RUNDC1: variants seen among roughly 807,000 people sequenced by gnomAD.
RUNDC1 encodes RUN domain-containing protein 1.
Under a neutral mutation model 49.3 loss-of-function variants are expected in RUNDC1, and 31 were observed. That is an observed-to-expected ratio of 0.63 (90% confidence interval 0.47 to 0.85). RUNDC1 has a LOEUF of 0.85. Among genes scored for constraint, RUNDC1 ranks in the 40% least tolerant of loss-of-function variants. The pLI is 0.00. For synonymous variants in RUNDC1, 347 were observed against 348.6 expected, an observed-to-expected ratio of 1.00 and a Z score of 0.05; for missense variants, 715 against 806.7, an observed-to-expected ratio of 0.89 and a Z score of 1.38.
In RUNDC1 at chr17:42,981,038, G is replaced by C; in HGVS notation, c.462G>C (p.Leu154=). 1 of 1,557,226 alleles carries C rather than the reference G, an allele frequency of 6.4e-7. No homozygotes were observed. The highest frequency in any genetic ancestry group is 8.6e-7 in the Non-Finnish European group (1 of 1,158,918). ...CCGCCAGCGATGAGGGCGATGGGCTGCCAGGGGACCGGCCATGGTTGCGGG... is the reference window on the plus strand; with the variant it reads ...CCGCCAGCGATGAGGGCGATGGGCTCCCAGGGGACCGGCCATGGTTGCGGG... ...GDPASDEGDG[L]PGDRPWLRGE... is the part of the protein sequence containing the mutation. The change falls in exon 1 of 5, where the codon CTG becomes CTC. Residue 154 remains leucine (L), a synonymous_variant. Transcript: ENST00000361677.
chr17:42,980,814 C>T lies in RUNDC1; in HGVS notation c.238C>T (p.Leu80=), dbSNP rs2151954591. 3 of 1,375,834 alleles carry T rather than the reference C, an allele frequency of 2.2e-6. No individual in the cohort carries two copies. The highest frequency in any genetic ancestry group is 3.4e-5 in the South Asian group (2 of 58,244). The allele number at this position is 1,375,834 out of a possible 1,614,324, so 85.2% of individuals were successfully genotyped here. A position where few individuals can be genotyped will look rare whatever the true frequency, so the allele number is the denominator to read the frequency against. Residue 80 remains leucine (L), a synonymous_variant, in exon 1 of 5, where the codon CTG becomes TTG. Transcript: ENST00000361677. The stretch of plus-strand genomic sequence containing the variant: ...CCCGCCGGATTCGCCGGGCCGGACG[C>T]TGCGGCGGCTGCGGGCAGAGCGGCG... ...GSPPDSPGRT[L]RRLRAERRRL... is the part of the protein sequence containing the mutation.
In RUNDC1 at chr17:42,988,800, G is replaced by A. The variant is rs1030770937; in HGVS notation, c.658-541G>A. 4.6e-5 allele frequency among the ~76,000 whole-genome samples: 7 copies of A among 152,130 alleles called. No homozygotes were observed. In the East Asian group the frequency reaches 1.2e-3, roughly 25 times the overall value. On this transcript the variant is annotated intron_variant, in intron 2 of 4. Coordinates refer to ENST00000361677, the MANE Select transcript of RUNDC1 (RefSeq NM_173079.5). ...TTGAGGCCAGCCTGAGCAACATAAC[G>A]AGACCCTGTCTCTACAAAAAATTTA...
chr17:42,993,040 A>G lies in RUNDC1; in HGVS notation c.*1324A>G, dbSNP rs1368023846. On this transcript the variant is annotated 3_prime_UTR_variant, in exon 5 of 5. Transcript: ENST00000361677. ...GAGAAAATCCTGGCTACCCAAGTCG[A>G]GTATATACAGGAATACAAATCGGTA... The G allele has an allele frequency of 6.6e-6, 1 of 152,240 alleles. No individual in the cohort carries two copies. Among genetic ancestry groups the G allele is most frequent in the Non-Finnish European group, 1.5e-5 (1 of 68,052 alleles). The allele number at this position is 152,240 out of a possible 1,614,324, so 9.4% of individuals were successfully genotyped here. A position where few individuals can be genotyped will look rare whatever the true frequency, so the allele number is the denominator to read the frequency against.
At position 42,980,931 on chromosome 17, in the gene RUNDC1, C is replaced by T. The variant is rs1395004204; in HGVS notation, c.355C>T (p.Gln119Ter). 2 of 1,536,402 alleles carry T rather than the reference C, an allele frequency of 1.3e-6. No homozygotes were observed. Among genetic ancestry groups the T allele is most frequent in the East Asian group, 2.5e-5 (1 of 40,736 alleles). Reference sequence around the variant, plus strand: ...GGTGGTGCGCGGGGCGCCGGCGGAGCAGCAGCGCCTTCTGCGGGAGCTCGA... The same window carrying T: ...GGTGGTGCGCGGGGCGCCGGCGGAGTAGCAGCGCCTTCTGCGGGAGCTCGA... ...RQVVRGAPAEQQRLLRELEDF... is the reference protein window; with the variant it reads ...RQVVRGAPAE Residue 119 changes from glutamine (Q) to a stop codon, truncating the protein, a stop_gained, in exon 1 of 5, where the codon CAG becomes TAG. Coordinates refer to ENST00000361677, the MANE Select transcript of RUNDC1 (RefSeq NM_173079.5). LOFTEE classifies it high-confidence loss of function.
chr17:42,991,727 C>T lies in RUNDC1; in HGVS notation c.*11C>T, dbSNP rs201943128. The T allele has an allele frequency of 2.5e-4, 400 of 1,601,236 alleles. No homozygotes were observed. The highest frequency in any genetic ancestry group is 1.3e-3 in the Admixed American group (75 of 59,268). ...AAAGATGCCTTTTGATGAGAGTGCCCTAACCCCAGACAAGCTCCTTGTTCA... is the reference window on the plus strand; with the variant it reads ...AAAGATGCCTTTTGATGAGAGTGCCTTAACCCCAGACAAGCTCCTTGTTCA... On this transcript the variant is annotated 3_prime_UTR_variant, in exon 5 of 5. Transcript: ENST00000361677.
rs757983154 is a variant in RUNDC1 at position 42,991,506 on chromosome 17, G to A, written c.1632G>A (p.Met544Ile). ...CAGAATTGAAGGCCTTGGTGTGCAT[G>A]GCACTGAATGAGCAGCGTCTGGTGT... ...ADSELKALVCMALNEQRLVSW... is the reference protein window; with the variant it reads ...ADSELKALVCIALNEQRLVSW... The change falls in exon 5 of 5, where the codon ATG becomes ATA. Residue 544 changes from methionine (M) to isoleucine (I), a missense_variant. This residue lies in a region of RUNDC1 where 425 missense variants were observed against 499.7 expected (regional missense o/e 0.85). Coordinates refer to ENST00000361677, the MANE Select transcript of RUNDC1 (RefSeq NM_173079.5). The A allele has an allele frequency of 6.2e-7, 1 of 1,614,166 alleles. No individual in the cohort carries two copies. Among genetic ancestry groups the A allele is most frequent in the East Asian group, 2.2e-5 (1 of 44,888 alleles).
intron 4 of RUNDC1, 49 bp from the exon 5 acceptor site, chr17:42,990,802 C>T (rs2050228161): frequency 6.5e-7 from 1 of 1,542,740 alleles, no homozygotes; most frequent in Non-Finnish European, 8.7e-7. Context: ...GAGTGTAGCT[C>T]TGTGCCATCA....
At position 42,991,312 on chromosome 17, in the gene RUNDC1, T is replaced by G. The variant is rs1369537450; in HGVS notation, c.1438T>G (p.Tyr480Asp). 1 of 1,614,200 alleles carries G rather than the reference T, an allele frequency of 6.2e-7. No individual in the cohort carries two copies. Among genetic ancestry groups the G allele is most frequent in the Non-Finnish European group, 8.5e-7 (1 of 1,180,032 alleles). The change falls in exon 5 of 5, where the codon TAC (tyrosine) becomes GAC (aspartate). Residue 480 changes from tyrosine to aspartate, a missense_variant. Physicochemically the swap from Tyr to Asp is radical, Grantham distance 160 (BLOSUM62 -3). Around this residue, in one of 5 missense-constraint regions of RUNDC1, gnomAD observed 425 missense variants for 499.7 expected, o/e 0.85. Coordinates refer to ENST00000361677, the MANE Select transcript of RUNDC1 (RefSeq NM_173079.5). ...MHPWELFVKY[Y>D]HAKNGRAYVE... ...CCCGTGGGAGCTCTTTGTAAAGTAC[T>G]ACCATGCTAAGAACGGCCGTGCTTA... is the stretch of plus-strand genomic sequence containing the variant.
At position 42,980,717 on chromosome 17, in the gene RUNDC1, G is replaced by A. The variant is rs372831938; in HGVS notation, c.141G>A (p.Ala47=). 4.0e-4 allele frequency: 618 copies of A among 1,548,822 alleles called. No individual in the cohort carries two copies. Among genetic ancestry groups the A allele is most frequent in the Non-Finnish European group, 4.7e-4 (543 of 1,150,754 alleles). Residue 47 remains alanine, a synonymous_variant, in exon 1 of 5, where the codon GCG becomes GCA. Transcript: ENST00000361677. ...GCTGGGCCCCAGTGGGGGCGGTGGCGGAGGCCCGGCCTGGGGCAACCGCGT... is the reference window on the plus strand; with the variant it reads ...GCTGGGCCCCAGTGGGGGCGGTGGCAGAGGCCCGGCCTGGGGCAACCGCGT... ...AVRWAPVGAV[A]EARPGATAFL...
In RUNDC1 at chr17:42,989,751, C is replaced by T. The variant is rs146181003; in HGVS notation, c.856+212C>T. On this transcript the variant is annotated intron_variant, in intron 3 of 4. Transcript: ENST00000361677. ...CCAGATGGAAGCAATTCTTCCGCCT[C>T]AGCCTCCTGAGTAGCTCGGATTACA... Among the ~76,000 whole-genome samples, 1,310 of 152,262 alleles carry T rather than the reference C, an allele frequency of 8.6e-3. 13 individuals carry two copies. Among genetic ancestry groups the T allele is most frequent in the Non-Finnish European group, 0.013 (854 of 68,024 alleles).
At position 42,991,293 on chromosome 17, in the gene RUNDC1, G is replaced by A; in HGVS notation, c.1419G>A (p.Trp473Ter). The change falls in exon 5 of 5, where the codon TGG (tryptophan) becomes TGA (stop). Residue 473 changes from tryptophan to a stop codon, truncating the protein, a stop_gained. Coordinates refer to ENST00000361677, the MANE Select transcript of RUNDC1 (RefSeq NM_173079.5). LOFTEE classifies it high-confidence loss of function. Reference sequence around the variant, plus strand: ...CGGCCCCAGAGGCCATGCACCCGTGGGAGCTCTTTGTAAAGTACTACCATG... The same window carrying A: ...CGGCCCCAGAGGCCATGCACCCGTGAGAGCTCTTTGTAAAGTACTACCATG... ...FSSAPEAMHP[W>*]ELFVKYYHAK... 6.2e-7 allele frequency: 1 copy of A among 1,614,198 alleles called. No homozygotes were observed. The highest frequency in any genetic ancestry group is 8.5e-7 in the Non-Finnish European group (1 of 1,180,042).
chr17:42,981,219 G>A, intron 1 of RUNDC1, 145 bp downstream of exon 1: 1 of 1,123,882 alleles, frequency 8.9e-7, no homozygotes. Context: ...GGGGACTGGA[G>A]TGCGGGGCCG....
chr17:42,984,715 A>G (rs140527692), intron 1 of RUNDC1, among the ~76,000 whole-genome samples: 10 of 152,202 alleles, frequency 6.6e-5, no homozygotes, highest in Non-Finnish European at 1.3e-4. Context: ...ATGAAAATGG[A>G]ATCAAAATTT....
rs753619133 is a variant in RUNDC1 at position 42,991,573 on chromosome 17, C to A, written c.1699C>A (p.Pro567Thr). The A allele has an allele frequency of 3.7e-5, 60 of 1,614,164 alleles. 2 individuals are homozygous for A. In the South Asian group the frequency reaches 6.3e-4, roughly 17 times the overall value. ...CTGCAAGTCCGGGTCACTCATCGAG[C>A]CTCACTACCAGCCCTGGAGCTACAT... ...LICKSGSLIE[P>T]HYQPWSYMAH... Residue 567 changes from proline (P) to threonine (T), a missense_variant, in exon 5 of 5, where the codon CCT becomes ACT. Transcript: ENST00000361677.
At chr17:42,983,403 A>G in intron 1 of RUNDC1, among the ~76,000 whole-genome samples, 1 of 129,640 alleles carries the variant, frequency 7.7e-6, no homozygotes, top group African/African-American at 3.0e-5. Context: ...TTTGAGACAG[A>G]GTCTCACTCT....
chr17:42,987,246 C>G lies in RUNDC1; in HGVS notation c.499-10C>G. 6.2e-7 allele frequency: 1 copy of G among 1,613,102 alleles called. No individual in the cohort carries two copies. Among genetic ancestry groups the G allele is most frequent in the South Asian group, 1.1e-5 (1 of 91,030 alleles). ...CCTGCATAATAGACCCAATTATTTT[C>G]TTGCCTTAGAGTGAGCAGGAAAAGC... On this transcript the variant is annotated splice_polypyrimidine_tract_variant and intron_variant, in intron 1 of 4. Transcript: ENST00000361677.
In RUNDC1 at chr17:42,991,468, C is replaced by T. The variant is rs761831894; in HGVS notation, c.1594C>T (p.Arg532Cys). 67 of 1,614,074 alleles carry T rather than the reference C, an allele frequency of 4.2e-5. No individual in the cohort carries two copies. In the Admixed American group the frequency reaches 5.7e-4, roughly 14 times the overall value. ...GCTGACAGAGCATGACCCTTTTAAG[C>T]GCAGTGCAGACTCAGAATTGAAGGC... ...MVLTEHDPFK[R>C]SADSELKALV... The change falls in exon 5 of 5, where the codon CGC becomes TGC. Residue 532 changes from arginine (R) to cysteine (C), a missense_variant. Physicochemically the swap from Arg to Cys is radical, Grantham distance 180. This residue lies in a region of RUNDC1 where 425 missense variants were observed against 499.7 expected (regional missense o/e 0.85). Coordinates refer to ENST00000361677, the MANE Select transcript of RUNDC1 (RefSeq NM_173079.5).
intron 1 of RUNDC1, among the ~76,000 whole-genome samples, chr17:42,986,598 C>T (rs1032080829): frequency 1.3e-5 from 2 of 151,626 alleles, no homozygotes; most frequent in African/African-American, 4.8e-5. Flanking sequence ...CCCGGGTTCA[C>T]GCCATCCTCC....
Position 42,981,069 on chromosome 17 carries a change from G to A in RUNDC1, c.493G>A (p.Asp165Asn). Residue 165 changes from aspartate (D) to asparagine (N), a missense_variant, in exon 1 of 5, where the codon GAC becomes AAC. Coordinates refer to ENST00000361677, the MANE Select transcript of RUNDC1 (RefSeq NM_173079.5). ...PGDRPWLRGE[D>N]QSEQEKQERL... Reference sequence around the variant, plus strand: ...GGACCGGCCATGGTTGCGGGGCGAGGACCAGGTGAGTGGCTGGAGCCGGGC... The same window carrying A: ...GGACCGGCCATGGTTGCGGGGCGAGAACCAGGTGAGTGGCTGGAGCCGGGC... 6.4e-7 allele frequency: 1 copy of A among 1,564,764 alleles called. No individual in the cohort carries two copies. The highest frequency in any genetic ancestry group is 1.1e-5 in the South Asian group (1 of 87,110).
Sources: allele counts gnomAD v4.1 joint callset (sites outside exome capture counted in the v4.1 genomes callset), GRCh38; gene constraint gnomAD v4.1.1; regional missense constraint gnomAD v4.1.1; transcripts MANE v1.5; gene names NCBI Gene and HGNC (gene_info 2026-07-23, HGNC 2026-07-21).